AAMDC: variants seen among roughly 807,000 people sequenced by gnomAD.
AAMDC encodes the protein adipogenesis associated Mth938 domain containing, also known as mth938 domain-containing protein.
Under a neutral mutation model 15.5 loss-of-function variants are expected in AAMDC, and 16 were observed. The ratio of observed to expected loss-of-function variants is 1.03; its 90% CI spans 0.70 to 1.57. AAMDC has a LOEUF of 1.57. AAMDC is among the 40% of genes most tolerant of loss of function. The probability of loss-of-function intolerance (pLI) is 0.00; values close to 1 mark genes in which losing one functional copy is unlikely to be tolerated. For synonymous variants in AAMDC, 51 were observed against 51.6 expected (o/e 0.99, Z 0.05); for missense variants, 141 against 144.9 (o/e 0.97, Z 0.14).
intron 1 of AAMDC, among the ~76,000 whole-genome samples, chr11:77,833,778 G>C (rs892233377): frequency 6.6e-6 from 1 of 152,150 alleles, no homozygotes; most frequent in Non-Finnish European, 1.5e-5. Flanking sequence ...TTGTATTACA[G>C]TTAATCGTAT....
chr11:77,877,384 T>TA (rs1951628222), intron 5 of AAMDC, among the ~76,000 whole-genome samples: 1 of 152,244 alleles, frequency 6.6e-6, no homozygotes, highest in African/African-American at 2.4e-5. Flanking sequence ...TTGCTATTAT[T>TA]TTTATAAGCT....
intron 1 of AAMDC, 107 bp downstream of exon 1, chr11:77,821,348 GAGAAGGTT>G (rs1249222099): frequency 1.9e-5 from 3 of 158,350 alleles, no homozygotes; most frequent in Non-Finnish European, 4.1e-5. Flanking sequence ...ACAGTTGTGG[GAGAAGGTT>G]GGGAAGGGGA....
chr11:77,837,867 C>T (rs1379724427), intron 1 of AAMDC, among the ~76,000 whole-genome samples: 2 of 151,790 alleles, frequency 1.3e-5, no homozygotes, highest in African/African-American at 4.8e-5. Flanking sequence ...CCAACATGGG[C>T]AACATAGTGA....
At chr11:77,826,797 C>T (rs1012782249) in intron 1 of AAMDC, among the ~76,000 whole-genome samples, 4 of 152,120 alleles carry the variant, frequency 2.6e-5, no homozygotes, top group East Asian at 1.9e-4. Context: ...TGAATGAACC[C>T]ATAATAAGTA....
At chr11:77,831,075 G>T (rs1416890425) in intron 1 of AAMDC, among the ~76,000 whole-genome samples, 1 of 150,992 alleles carries the variant, frequency 6.6e-6, no homozygotes, top group South Asian at 2.1e-4. Flanking sequence ...GGGAGAATTC[G>T]TCGAGGCTTC....
chr11:77,892,084 T>C (rs528252137), intron 5 of AAMDC, among the ~76,000 whole-genome samples: 1 of 152,348 alleles, frequency 6.6e-6, no homozygotes, highest in Admixed American at 6.5e-5. Flanking sequence ...TACATGATCT[T>C]ATTTAACTTC....
At chr11:77,888,801 G>A (rs1343155862) in intron 5 of AAMDC, among the ~76,000 whole-genome samples, 1 of 152,192 alleles carries the variant, frequency 6.6e-6, no homozygotes, top group Non-Finnish European at 1.5e-5. Context: ...AGACATTTAT[G>A]CAGCCAAAAA....
chr11:77,840,484 G>A (rs913250453), intron 1 of AAMDC, among the ~76,000 whole-genome samples: 4 of 152,068 alleles, frequency 2.6e-5, no homozygotes, highest in Admixed American at 6.6e-5. Flanking sequence ...AGCCAAGATC[G>A]CACCACTGCA....
At chr11:77,863,762 G>A (rs949325866) in intron 2 of AAMDC, among the ~76,000 whole-genome samples, 1 of 152,016 alleles carries the variant, frequency 6.6e-6, no homozygotes, top group Non-Finnish European at 1.5e-5. Context: ...CGACCCTCCT[G>A]CCTCAGCCCC....
At chr11:77,862,668 C>G (rs927386316) in intron 2 of AAMDC, among the ~76,000 whole-genome samples, 2 of 152,172 alleles carry the variant, frequency 1.3e-5, no homozygotes, top group East Asian at 3.9e-4. Context: ...GCATAAATCA[C>G]ACTTTTTACA....
intron 5 of AAMDC, among the ~76,000 whole-genome samples, chr11:77,878,341 G>A (rs187264240): frequency 6.3e-4 from 93 of 148,740 alleles, no homozygotes; most frequent in Middle Eastern, 6.9e-3. Context: ...CAGCCTGAGC[G>A]ACACAGCAAG....
chr11:77,849,749 C>T (rs1205504400), intron 2 of AAMDC, among the ~76,000 whole-genome samples: 2 of 152,124 alleles, frequency 1.3e-5, no homozygotes, highest in Non-Finnish European at 2.9e-5. Context: ...TTTTATCTTC[C>T]AAACCTGTCA....
intron 5 of AAMDC, among the ~76,000 whole-genome samples, chr11:77,887,195 C>T (rs1020519954): frequency 1.3e-5 from 2 of 152,202 alleles, no homozygotes; most frequent in Admixed American, 6.5e-5. Context: ...CAAACCAAAT[C>T]CAGCAGCACA....
chr11:77,830,702 G>A (rs941326620), intron 1 of AAMDC, among the ~76,000 whole-genome samples: 6 of 151,918 alleles, frequency 3.9e-5, no homozygotes, highest in African/African-American at 1.2e-4. Context: ...ACAGGATTGG[G>A]TGCTCTACAA....
chr11:77,822,808 CAA>C (rs1246974606), intron 1 of AAMDC, among the ~76,000 whole-genome samples: 2 of 152,152 alleles, frequency 1.3e-5, no homozygotes, highest in East Asian at 3.8e-4. Flanking sequence ...TGTAAGAAAT[CAA>C]AGTCTAAAGA....
chr11:77,822,213 G>A (rs1326292454), intron 1 of AAMDC, among the ~76,000 whole-genome samples: 1 of 152,020 alleles, frequency 6.6e-6, no homozygotes, highest in Non-Finnish European at 1.5e-5. Flanking sequence ...ACCGAGGTGG[G>A]TGCATCACCT....
Position 77,837,142 on chromosome 11 carries a change from T to G in AAMDC, c.-18-5337T>G, listed in dbSNP as rs563952365. Among the ~76,000 whole-genome samples, 3 of 152,316 alleles carry G rather than the reference T, an allele frequency of 2.0e-5. No homozygotes were observed. The South Asian group carries it at 6.2e-4, about 32-fold the overall frequency. ...TGAGTTTTTTGTTTGTTTGTTTGCT[T>G]GCTTGTTTTTTGAGACGTAGTCTCG... is the stretch of plus-strand genomic sequence containing the variant. On this transcript the variant is annotated intron_variant, in intron 1 of 3. Transcript: ENST00000393427.
At chr11:77,875,579 T>C (rs991267124), downstream of AAMDC, among the ~76,000 whole-genome samples, 1 of 152,234 alleles carries the variant, frequency 6.6e-6, no homozygotes, top group African/African-American at 2.4e-5. Flanking sequence ...TTCCAATTGC[T>C]GTTATCTTCT....
intron 3 of AAMDC, among the ~76,000 whole-genome samples, chr11:77,870,494 G>A (rs1002850235): frequency 1.3e-5 from 2 of 151,198 alleles, no homozygotes; most frequent in African/African-American, 2.4e-5. Context: ...CCACCACCAC[G>A]CCTGGCTAAT....
Sources: allele counts gnomAD v4.1 joint callset (sites outside exome capture counted in the v4.1 genomes callset), GRCh38; gene constraint gnomAD v4.1.1; transcripts MANE v1.5; gene names NCBI Gene and HGNC (gene_info 2026-07-23, HGNC 2026-07-21).